The following PDE3B variants were observed in gnomAD, a reference collection of about 807,000 sequenced individuals.
PDE3B encodes the protein phosphodiesterase 3B, also known as cGMP-inhibited 3',5'-cyclic phosphodiesterase 3B.
PDE3B carries 66 observed loss-of-function variants against 116.8 expected under a neutral mutation model. The observed-to-expected ratio is 0.56, with a 90% CI of 0.46 to 0.69. PDE3B has a LOEUF of 0.69. Ranked by LOEUF, PDE3B falls within the 30% of genes least tolerant of loss-of-function variation. The pLI is 0.00. For missense variants in PDE3B, 1,384 were observed against 1,368.1 expected (o/e 1.01, Z -0.18); for synonymous variants, 595 against 533.6 (o/e 1.12, Z -1.59).
rs976980576 is a variant in PDE3B at position 14,818,227 on chromosome 11, C to T, written c.1567C>T (p.Pro523Ser). The part of the protein sequence containing the change: ...LSPVNSSNHG[P>S]VSTGSLTNRS... ...TCCTGTGAATTCTTCCAACCATGGA[C>T]CAGTGTCTACTGGCTCTCTAACTAA... The change falls in exon 6 of 16, where the codon CCA becomes TCA. Residue 523 changes from proline (P) to serine (S), a missense_variant. Physicochemically the swap from Pro to Ser is moderately conservative, Grantham distance 74. Transcript: ENST00000282096. 1.2e-6 allele frequency: 2 copies of T among 1,613,422 alleles called. No homozygotes were observed. The highest frequency in any genetic ancestry group is 1.7e-6 in the Non-Finnish European group (2 of 1,179,610).
intron 1 of PDE3B, among the ~76,000 whole-genome samples, chr11:14,707,693 A>T (rs1565100643): frequency 6.6e-6 from 1 of 151,932 alleles, no homozygotes; most frequent in Non-Finnish European, 1.5e-5. Context: ...ATATGGGCAT[A>T]CTACTCTTTC....
Position 14,867,635 on chromosome 11 carries a change from G to T in PDE3B, c.3016G>T (p.Ala1006Ser). 6.2e-7 allele frequency: 1 copy of T among 1,614,100 alleles called. No homozygotes were observed. The highest frequency in any genetic ancestry group is 8.5e-7 in the Non-Finnish European group (1 of 1,180,002). The change falls in exon 15 of 16, where the codon GCT becomes TCT. Residue 1006 changes from alanine (A) to serine (S), a missense_variant. Ala to Ser is a moderately conservative substitution (Grantham distance 99). Transcript: ENST00000282096. ...TCCCCTGTGTAACTCCTATGATGCT[G>T]CTGGTTTGCTACCAGGTCAGTGGTT... The part of the protein sequence containing the change: ...VGPLCNSYDA[A>S]GLLPGQWLEA...
chr11:14,846,359 C>A (rs1424131651), intron 12 of PDE3B, among the ~76,000 whole-genome samples: 3 of 152,168 alleles, frequency 2.0e-5, no homozygotes, highest in Non-Finnish European at 4.4e-5. Context: ...TGGAAAGGAA[C>A]AACTGGTACC....
chr11:14,687,525 T>C (rs1269928735), intron 1 of PDE3B, among the ~76,000 whole-genome samples: 1 of 152,176 alleles, frequency 6.6e-6, no homozygotes, highest in Non-Finnish European at 1.5e-5. Flanking sequence ...ATTAAACTTA[T>C]GAAGATTTTA....
intron 1 of PDE3B, among the ~76,000 whole-genome samples, chr11:14,745,495 A>T (rs1856887807): frequency 6.6e-6 from 1 of 151,968 alleles, no homozygotes; most frequent in African/African-American, 2.4e-5. Context: ...CTTTGTATTT[A>T]GCTACATAAA....
At chr11:14,816,072 C>G (rs1250925744) in intron 5 of PDE3B, among the ~76,000 whole-genome samples, 2 of 152,024 alleles carry the variant, frequency 1.3e-5, no homozygotes, top group Non-Finnish European at 2.9e-5. Context: ...GGCTGGCAGG[C>G]TGAAAATTCC....
intron 5 of PDE3B, among the ~76,000 whole-genome samples, chr11:14,812,605 A>G (rs1202884981): frequency 6.6e-6 from 1 of 152,214 alleles, no homozygotes; most frequent in East Asian, 1.9e-4. Context: ...CACTGATACA[A>G]AAAGATTACA....
At chr11:14,723,914 C>A (rs1452006408) in intron 1 of PDE3B, among the ~76,000 whole-genome samples, 1 of 152,172 alleles carries the variant, frequency 6.6e-6, no homozygotes, top group Non-Finnish European at 1.5e-5. Context: ...ATGGGCCAGA[C>A]TAGCAAGGCC....
intron 2 of PDE3B, among the ~76,000 whole-genome samples, chr11:14,783,325 C>T (rs76739648): frequency 0.35 from 53,727 of 152,024 alleles, 10,905 homozygotes; most frequent in South Asian, 0.46. Flanking sequence ...TTTATTGCGG[C>T]ACTATTCACA....
chr11:14,654,727 T>A (rs1853659209), intron 1 of PDE3B, among the ~76,000 whole-genome samples: 1 of 151,188 alleles, frequency 6.6e-6, no homozygotes, highest in African/African-American at 2.4e-5. Context: ...AAAGTTATAT[T>A]TCAAGGGGAG....
chr11:14,671,554 G>A (rs1023798954), intron 1 of PDE3B, among the ~76,000 whole-genome samples: 5 of 151,974 alleles, frequency 3.3e-5, no homozygotes. Flanking sequence ...ACAATTTTAT[G>A]GTATAATTTA....
intron 5 of PDE3B, among the ~76,000 whole-genome samples, chr11:14,809,022 G>T (rs898334372): frequency 1.7e-4 from 26 of 152,090 alleles, no homozygotes; most frequent in Admixed American, 1.6e-3. Flanking sequence ...GTATAGAAAC[G>T]CAAGAGTCCC....
At chr11:14,737,298 G>C (rs1355567203) in intron 1 of PDE3B, among the ~76,000 whole-genome samples, 1 of 151,508 alleles carries the variant, frequency 6.6e-6, no homozygotes, top group Non-Finnish European at 1.5e-5. Context: ...GGTTCACGCT[G>C]TTCTCCTGCC....
chr11:14,807,038 A>G (rs1858955516), intron 5 of PDE3B, among the ~76,000 whole-genome samples: 2 of 152,122 alleles, frequency 1.3e-5, no homozygotes, highest in Admixed American at 6.6e-5. Context: ...GTTCTCACTC[A>G]TAAGTGGGAG....
At chr11:14,886,370 G>C in the PDE3B span, 2 of 170,048 alleles carry the variant, frequency 1.2e-5, no homozygotes, top group African/African-American at 4.8e-5. Flanking sequence ...AGGCTAGTGA[G>C]GGAGAGGATT....
chr11:14,841,554 A>AC (rs1307453338), intron 11 of PDE3B, among the ~76,000 whole-genome samples: 1 of 148,918 alleles, frequency 6.7e-6, no homozygotes, highest in African/African-American at 2.5e-5. Context: ...TATGCACACA[A>AC]CAGCTAAGTG....
chr11:14,646,610 G>A (rs1287467820), intron 1 of PDE3B, among the ~76,000 whole-genome samples: 1 of 152,132 alleles, frequency 6.6e-6, no homozygotes, highest in Non-Finnish European at 1.5e-5. Context: ...CTGGAAAATT[G>A]TTTTAGCAGT....
rs1474805729 is a variant in PDE3B at position 14,664,946 on chromosome 11, C to T, written c.978+19893C>T. On this transcript the variant is annotated intron_variant, in intron 1 of 15. Transcript: ENST00000282096. ...ACCAGCATCATCCTGATACCAAAGC[C>T]GGGCAGAGACACAACAAAAAAAGAG... Among the ~76,000 whole-genome samples, 5 of 152,266 alleles carry T rather than the reference C, an allele frequency of 3.3e-5. No homozygotes were observed. The East Asian group carries it at 5.8e-4, about 18-fold the overall frequency.
At position 14,685,446 on chromosome 11, in the gene PDE3B, CTTTTTTTTTTTTTTT is replaced by C. The variant is rs71044017; in HGVS notation, c.978+40406_978+40420del. 6.9e-5 allele frequency among the ~76,000 whole-genome samples: 6 copies of C among 86,334 alleles called. No individual in the cohort carries two copies. The South Asian group carries it at 3.4e-3, about 49-fold the overall frequency. The allele number at this position is 86,334 out of a possible 152,430, so 56.6% of individuals were successfully genotyped here. Reference sequence around the variant, plus strand: ...ATCACTAAGGGAACATTTTTCTCATCTTTTTTTTTTTTTTTTTTTTTTTTTTTAAGACAGAGTCTT... The same window carrying C: ...ATCACTAAGGGAACATTTTTCTCATCTTTTTTTTTTTTAAGACAGAGTCTT... On this transcript the variant is annotated intron_variant, in intron 1 of 15. Coordinates refer to ENST00000282096, the MANE Select transcript of PDE3B (RefSeq NM_000922.4).
Sources: gnomAD v4.1 joint callset for allele counts (sites outside exome capture counted in the v4.1 genomes callset) on GRCh38, gnomAD v4.1.1 for gene constraint, MANE v1.5 for transcripts, NCBI Gene and HGNC (gene_info 2026-07-23, HGNC 2026-07-21) for gene names.